Variants in KIRREL1 observed in about 807,000 individuals in gnomAD.
KIRREL1 encodes the protein kin of IRRE-like protein 1.
Under a neutral mutation model 83.3 loss-of-function variants are expected in KIRREL1, and 25 were observed. The ratio of observed to expected loss-of-function variants is 0.30; its 90% CI spans 0.22 to 0.42. The LOEUF (loss-of-function observed/expected upper bound fraction) is 0.42, where lower values mean the gene tolerates loss of function less well. Among genes scored for constraint, KIRREL1 ranks in the 10% least tolerant of loss-of-function variants. The pLI, the probability that KIRREL1 is intolerant of heterozygous loss-of-function variation, is 1.00. For synonymous variants in KIRREL1, 388 were observed against 410.4 expected, an observed-to-expected ratio of 0.95 and a Z score of 0.66; for missense variants, 812 against 1,032.3, an observed-to-expected ratio of 0.79 and a Z score of 2.92.
chr1:158,054,506 C>T (rs1660999128), intron 1 of KIRREL1, among the ~76,000 whole-genome samples: 2 of 152,116 alleles, frequency 1.3e-5, no homozygotes. Flanking sequence ...GACATTTTCT[C>T]AAAATGGTTC....
At position 158,063,458 on chromosome 1, in the gene KIRREL1, C is replaced by T. The variant is rs530744498; in HGVS notation, c.53-12655C>T. On this transcript the variant is annotated intron_variant, in intron 1 of 14. Transcript: ENST00000359209. The stretch of plus-strand genomic sequence containing the variant: ...ATCATTGCCCCCCATCAAGTCGGCC[C>T]TGATTTCATCTCATCAGCATGGGCT... Among the ~76,000 whole-genome samples the T allele has an allele frequency of 1.3e-4, 20 of 152,326 alleles. No homozygotes were observed. In the South Asian group the frequency reaches 3.7e-3, roughly 28 times the overall value.
intron 10 of KIRREL1, 96 bp from the exon 11 acceptor site, chr1:158,091,262 G>A: frequency 8.9e-7 from 1 of 1,123,524 alleles, no homozygotes; most frequent in East Asian, 2.4e-5. Context: ...TGGCACATAG[G>A]GGTGAGGGTG....
At chr1:158,080,154 G>A (rs137865838) in intron 3 of KIRREL1, among the ~76,000 whole-genome samples, 1 of 152,224 alleles carries the variant, frequency 6.6e-6, no homozygotes, top group East Asian at 1.9e-4. Flanking sequence ...AGACTCTTAG[G>A]AAACCTTCTT....
chr1:158,081,533 T>A (rs1661856084), intron 3 of KIRREL1, among the ~76,000 whole-genome samples: 1 of 152,190 alleles, frequency 6.6e-6, no homozygotes, highest in Non-Finnish European at 1.5e-5. Context: ...AGACTGAGGC[T>A]TTTTTGACCA....
Position 158,094,819 on chromosome 1 carries a change from C to G in KIRREL1, c.1973C>G (p.Ala658Gly). 6.2e-7 allele frequency: 1 copy of G among 1,614,080 alleles called. No homozygotes were observed. The highest frequency in any genetic ancestry group is 8.5e-7 in the Non-Finnish European group (1 of 1,179,988). The stretch of plus-strand genomic sequence containing the variant: ...CTCAACACCTATAGCCGGGGCCCTG[C>G]CTCTGACTATGGCCCTGAGCCCACA... ...AQLNTYSRGP[A>G]SDYGPEPTPP... The change falls in exon 15 of 15, where the codon GCC (alanine) becomes GGC (glycine). Residue 658 changes from alanine to glycine, a missense_variant. This residue lies in a region of KIRREL1 where 334 missense variants were observed against 383.7 expected (regional missense o/e 0.87). Transcript: ENST00000359209. This position sits in a 1 kb window ranked among gnomAD's most constrained non-coding sequence, Gnocchi z 4.6.
intron 1 of KIRREL1, among the ~76,000 whole-genome samples, chr1:158,068,142 CTG>C (rs1369590769): frequency 1.1e-4 from 16 of 152,222 alleles, no homozygotes; most frequent in African/African-American, 3.9e-4. Flanking sequence ...GAGGCTCCTA[CTG>C]TTCAGTGTCT....
chr1:158,074,485 A>C (rs1235255944), intron 1 of KIRREL1, among the ~76,000 whole-genome samples: 1 of 152,238 alleles, frequency 6.6e-6, no homozygotes, highest in East Asian at 1.9e-4. Context: ...AGATGTTGGC[A>C]TTCTGCTGGA....
intron 1 of KIRREL1, among the ~76,000 whole-genome samples, chr1:158,050,265 C>G (rs1251294536): frequency 6.6e-6 from 1 of 152,090 alleles, no homozygotes; most frequent in Admixed American, 6.5e-5. Flanking sequence ...TTCTCCCCAT[C>G]CCAGAGTTCT....
At chr1:158,037,792 G>A (rs1013664702) in intron 1 of KIRREL1, among the ~76,000 whole-genome samples, 5 of 152,176 alleles carry the variant, frequency 3.3e-5, no homozygotes, top group Admixed American at 2.6e-4. Flanking sequence ...GTAGCAGTTG[G>A]CTTGTTGTCC....
intron 1 of KIRREL1, among the ~76,000 whole-genome samples, chr1:158,008,149 CG>C (rs1273549799): frequency 6.6e-6 from 1 of 151,730 alleles, no homozygotes; most frequent in Non-Finnish European, 1.5e-5. Context: ...TGCTCCTAGC[CG>C]GCAGCGAGGG....
intron 11 of KIRREL1, 118 bp downstream of exon 11, chr1:158,091,674 G>A (rs1662201834): frequency 3.1e-6 from 3 of 954,910 alleles, no homozygotes; most frequent in Non-Finnish European, 4.8e-6. Context: ...CTCTGAGGGA[G>A]GGGACACACA....
chr1:158,094,765 G>T lies in KIRREL1; in HGVS notation c.1919G>T (p.Arg640Leu). The T allele has an allele frequency of 5.0e-6, 8 of 1,613,780 alleles. No individual in the cohort carries two copies. Among genetic ancestry groups the T allele is most frequent in the East Asian group, 2.2e-5 (1 of 44,856 alleles). ...CGCTTCGACGGCCGCCCCTCATCCCGTCTCTCCCACTCCAGCGGCTATGCC... is the reference window on the plus strand; with the variant it reads ...CGCTTCGACGGCCGCCCCTCATCCCTTCTCTCCCACTCCAGCGGCTATGCC... ...PARFDGRPSS[R>L]LSHSSGYAQL... is the part of the protein sequence containing the mutation. The change falls in exon 15 of 15, where the codon CGT (arginine) becomes CTT (leucine). Residue 640 changes from arginine to leucine, a missense_variant. Arg to Leu is a moderately radical substitution (Grantham distance 102). Coordinates refer to ENST00000359209, the MANE Select transcript of KIRREL1 (RefSeq NM_018240.7). This position sits in a 1 kb window ranked among gnomAD's most constrained non-coding sequence, Gnocchi z 4.6.
intron 1 of KIRREL1, among the ~76,000 whole-genome samples, chr1:158,018,484 T>C (rs901403406): frequency 2.0e-5 from 3 of 152,142 alleles, no homozygotes; most frequent in African/African-American, 7.2e-5. Context: ...GAGCGTGAGA[T>C]GGTGCCAACC....
Position 158,094,401 on chromosome 1 carries a change from G to A in KIRREL1, c.1797+11G>A. 1.2e-6 allele frequency: 2 copies of A among 1,612,138 alleles called. No homozygotes were observed. The highest frequency in any genetic ancestry group is 8.5e-7 in the Non-Finnish European group (1 of 1,179,178). On this transcript the variant is annotated intron_variant, in intron 14 of 14. Coordinates refer to ENST00000359209, the MANE Select transcript of KIRREL1 (RefSeq NM_018240.7). The surrounding 1 kb of genome is among the most constrained non-coding windows in gnomAD (Gnocchi z 4.6). ...GAGTATGAGATGAAGGTGGGAAAGGGGGAAGGGGCCAGGGCATGAGGGCTG... is the reference window on the plus strand; with the variant it reads ...GAGTATGAGATGAAGGTGGGAAAGGAGGAAGGGGCCAGGGCATGAGGGCTG...
At chr1:158,054,525 C>G (rs1196331997) in intron 1 of KIRREL1, among the ~76,000 whole-genome samples, 14 of 152,120 alleles carry the variant, frequency 9.2e-5, no homozygotes, top group Admixed American at 9.2e-4. Flanking sequence ...TCTCCAAGCC[C>G]TGTCCCTGTC....
intron 11 of KIRREL1, among the ~76,000 whole-genome samples, chr1:158,093,042 C>G (rs907637686): frequency 6.6e-6 from 1 of 152,132 alleles, no homozygotes; most frequent in Non-Finnish European, 1.5e-5. Flanking sequence ...GGACAGGGAT[C>G]GACAGACAAC....
chr1:158,052,576 G>A (rs1284992026), intron 1 of KIRREL1, among the ~76,000 whole-genome samples: 4 of 151,234 alleles, frequency 2.6e-5, no homozygotes, highest in Non-Finnish European at 4.4e-5. Flanking sequence ...TCAGGAGATC[G>A]AGACCATCCT....
intron 10 of KIRREL1, 113 bp downstream of exon 10, chr1:158,089,931 TC>T: frequency 1.2e-6 from 1 of 839,740 alleles, no homozygotes; most frequent in Non-Finnish European, 2.0e-6. Flanking sequence ...CCCGTTTCCA[TC>T]CTCGAATCTT....
intron 1 of KIRREL1, among the ~76,000 whole-genome samples, chr1:158,069,302 T>G (rs1017254844): frequency 4.9e-5 from 7 of 143,372 alleles, no homozygotes; most frequent in Non-Finnish European, 7.6e-5. Flanking sequence ...TATGACGTAC[T>G]TGTGTGTGTG....
Sources: gnomAD v4.1 joint callset for allele counts (sites outside exome capture counted in the v4.1 genomes callset) on GRCh38, gnomAD v4.1.1 for gene constraint, gnomAD v4.1.1 regional missense constraint, Gnocchi (gnomAD v3.1) non-coding constraint, MANE v1.5 for transcripts, NCBI Gene and HGNC (gene_info 2026-07-23, HGNC 2026-07-21) for gene names.